LRP1B: variants seen among roughly 807,000 people sequenced by gnomAD.
LRP1B encodes low-density lipoprotein receptor-related protein 1B.
A neutral mutation model predicts 556.6 loss-of-function variants in LRP1B; 217 were observed. The observed-to-expected ratio is 0.39, with a 90% CI of 0.35 to 0.44. The LOEUF is 0.44. Among genes scored for constraint, LRP1B ranks in the 20% least tolerant of loss-of-function variants. LRP1B has a pLI of 1.00. For missense variants in LRP1B, 5,053 were observed against 5,620.8 expected (o/e 0.90, Z 3.23); for synonymous variants, 2,047 against 1,865.8 (o/e 1.10, Z -2.50).
intron 82 of LRP1B, among the ~76,000 whole-genome samples, chr2:140,318,838 A>G (rs1485951265): frequency 6.6e-6 from 1 of 152,164 alleles, no homozygotes; most frequent in African/African-American, 2.4e-5. Context: ...TAGATAATAA[A>G]ATCTGAAGAT....
At chr2:141,226,534 A>C (rs79817350) in intron 6 of LRP1B, among the ~76,000 whole-genome samples, 9 of 152,220 alleles carry the variant, frequency 5.9e-5, no homozygotes, top group Middle Eastern at 3.4e-3. Flanking sequence ...ATATTTTCTC[A>C]AAAAAGCATG....
intron 35 of LRP1B, among the ~76,000 whole-genome samples, chr2:140,728,081 T>C (rs1196739684): frequency 6.6e-6 from 1 of 152,156 alleles, no homozygotes; most frequent in Non-Finnish European, 1.5e-5. Context: ...TAAATTACTA[T>C]TTTATCAAAT....
chr2:141,545,408 T>C (rs577823905), intron 2 of LRP1B, among the ~76,000 whole-genome samples: 20 of 152,314 alleles, frequency 1.3e-4, no homozygotes, highest in African/African-American at 4.3e-4. Context: ...TTCAAAGATG[T>C]CCATGTCTTA....
chr2:141,679,063 C>A (rs936969507), intron 2 of LRP1B, among the ~76,000 whole-genome samples: 6 of 152,158 alleles, frequency 3.9e-5, no homozygotes, highest in African/African-American at 1.4e-4. Context: ...GCCATATTGT[C>A]AGCTGCCCTA....
At chr2:140,258,793 C>T (rs958345558) in intron 86 of LRP1B, among the ~76,000 whole-genome samples, 1 of 152,090 alleles carries the variant, frequency 6.6e-6, no homozygotes, top group Non-Finnish European at 1.5e-5. Flanking sequence ...GTCCTGACAG[C>T]GTAGACGGTC....
chr2:140,427,851 C>T (rs1685730555), intron 66 of LRP1B, among the ~76,000 whole-genome samples: 2 of 152,102 alleles, frequency 1.3e-5, no homozygotes, highest in Admixed American at 6.6e-5. Flanking sequence ...TCCGCTCCTC[C>T]ACCCTATAAT....
At chr2:140,726,865 T>A (rs1687612676) in intron 35 of LRP1B, among the ~76,000 whole-genome samples, 1 of 152,196 alleles carries the variant, frequency 6.6e-6, no homozygotes, top group African/African-American at 2.4e-5. Flanking sequence ...TAATGGTTCA[T>A]CTTGCATTTT....
chr2:140,382,572 G>A (rs1683564933), intron 67 of LRP1B, among the ~76,000 whole-genome samples: 2 of 152,096 alleles, frequency 1.3e-5, no homozygotes, highest in South Asian at 4.1e-4. Context: ...ACTTAATGAG[G>A]GAAATGATAA....
chr2:141,818,905 T>C (rs770124011), intron 1 of LRP1B, among the ~76,000 whole-genome samples: 1 of 151,716 alleles, frequency 6.6e-6, no homozygotes, highest in Middle Eastern at 3.4e-3. Flanking sequence ...ACATTTCTAA[T>C]CAATCATTCA....
chr2:140,754,242 T>C (rs938906501), intron 35 of LRP1B, among the ~76,000 whole-genome samples: 2 of 152,112 alleles, frequency 1.3e-5, no homozygotes, highest in African/African-American at 4.8e-5. Context: ...TGCAGCAAAC[T>C]AAATGGTAGG....
At chr2:141,591,931 C>A (rs1184770084) in intron 2 of LRP1B, among the ~76,000 whole-genome samples, 1 of 152,036 alleles carries the variant, frequency 6.6e-6, no homozygotes, top group Non-Finnish European at 1.5e-5. Flanking sequence ...CTTCTCGTGG[C>A]CCAATTGTTC....
Position 140,982,212 on chromosome 2 carries a change from C to G in LRP1B, c.2835G>C (p.Leu945=), listed in dbSNP as rs372192772. The change falls in exon 18 of 91, where the codon CTG becomes CTC. Residue 945 remains leucine (L), a synonymous_variant. Transcript: ENST00000389484. ...GNGRCIPRAW[L]CDREDDCGDQ... is the part of the protein sequence containing the mutation. ...CACCACAGTCGTCTTCCCTGTCACACAGCCATGCTCTGGGAATGCAACGCC... is the reference window on the plus strand; with the variant it reads ...CACCACAGTCGTCTTCCCTGTCACAGAGCCATGCTCTGGGAATGCAACGCC... 8 of 1,613,364 alleles carry G rather than the reference C, an allele frequency of 5.0e-6. No homozygotes were observed. The African/African-American group carries it at 9.3e-5, about 19-fold the overall frequency.
intron 47 of LRP1B, among the ~76,000 whole-genome samples, chr2:140,526,939 A>C (rs1690464314): frequency 6.6e-6 from 1 of 151,808 alleles, no homozygotes; most frequent in South Asian, 2.1e-4. Context: ...ACAGCTTACC[A>C]CTACTAGAAA....
chr2:141,049,293 G>A (rs1698969466), intron 10 of LRP1B, 71 bp from the exon 11 acceptor site: 11 of 946,172 alleles, frequency 1.2e-5, no homozygotes, highest in Non-Finnish European at 1.7e-5. Flanking sequence ...TAATGCCACC[G>A]TTTAACTGGC....
chr2:142,084,320 C>T (rs1705831352), intron 1 of LRP1B, among the ~76,000 whole-genome samples: 1 of 151,984 alleles, frequency 6.6e-6, no homozygotes, highest in Non-Finnish European at 1.5e-5. Context: ...CCCTGTTTCC[C>T]CTCTATCCTC....
chr2:140,337,917 C>A (rs769478221), intron 77 of LRP1B, among the ~76,000 whole-genome samples: 1 of 151,632 alleles, frequency 6.6e-6, no homozygotes, highest in African/African-American at 2.4e-5. Context: ...CAATTAATAA[C>A]CCAGTTTCCT....
chr2:141,708,726 G>T (rs1485017575), intron 2 of LRP1B, among the ~76,000 whole-genome samples: 3 of 152,006 alleles, frequency 2.0e-5, no homozygotes, highest in African/African-American at 7.2e-5. Context: ...GGTCTTTAAA[G>T]AGGTGACCAA....
intron 1 of LRP1B, among the ~76,000 whole-genome samples, chr2:141,870,525 T>C (rs999271104): frequency 6.6e-6 from 1 of 152,020 alleles, no homozygotes; most frequent in African/African-American, 2.4e-5. Flanking sequence ...ATAAAAGTTA[T>C]GCTTTTGCTC....
At chr2:140,781,444 T>C (rs1444703137) in intron 32 of LRP1B, among the ~76,000 whole-genome samples, 12 of 152,202 alleles carry the variant, frequency 7.9e-5, no homozygotes, top group African/African-American at 2.9e-4. Flanking sequence ...AAGACTCCTT[T>C]CTAATTCCAG....
Sources: allele counts gnomAD v4.1 joint callset (sites outside exome capture counted in the v4.1 genomes callset), GRCh38; gene constraint gnomAD v4.1.1; transcripts MANE v1.5; gene names NCBI Gene and HGNC (gene_info 2026-07-23, HGNC 2026-07-21).